SRR: variants seen among roughly 807,000 people sequenced by gnomAD.
SRR encodes serine racemase.
In SRR, 19 loss-of-function variants were observed where a neutral mutation model predicts 32.7. The ratio of observed to expected loss-of-function variants is 0.58; its 90% CI spans 0.40 to 0.85. The LOEUF is 0.85. Ranked by LOEUF, SRR falls within the 40% of genes least tolerant of loss-of-function variation. The pLI is 0.00. For missense variants in SRR, 373 were observed against 404.7 expected, an observed-to-expected ratio of 0.92 and a Z score of 0.67; for synonymous variants, 142 against 140.9, an observed-to-expected ratio of 1.01 and a Z score of -0.06.
In SRR at chr17:2,321,485, T is replaced by C. The variant is rs2075527915; in HGVS notation, c.520-57T>C. 3.1e-6 allele frequency: 5 copies of C among 1,612,370 alleles called. No individual in the cohort carries two copies. In the African/African-American group the frequency reaches 5.3e-5, roughly 17 times the overall value. On this transcript the variant is annotated intron_variant, in intron 5 of 7. Transcript: ENST00000344595. ...GTAAAGCTGTTGGGCTATATTCAAT[T>C]ATTTTATATGTATACATTAAATATA...
intron 1 of SRR, among the ~76,000 whole-genome samples, chr17:2,311,766 T>A (rs1446447631): frequency 6.6e-6 from 1 of 152,190 alleles, no homozygotes; most frequent in East Asian, 1.9e-4. Flanking sequence ...TTTAGAGCAA[T>A]CAAGGGAGAA....
intron 2 of SRR, among the ~76,000 whole-genome samples, chr17:2,316,535 T>C (rs1391696657): frequency 1.3e-5 from 2 of 152,154 alleles, no homozygotes; most frequent in Non-Finnish European, 2.9e-5. Context: ...ACATTATCAA[T>C]ATAAAAGATC....
rs2151438451 is a variant in SRR, at chr17:2,323,943, T to A, written c.*70T>A. ...GAAGACATTTTGTTTCCTAGTATTG[T>A]CAACTCTTAGTTATCAGATTCTTAA... is the stretch of plus-strand genomic sequence containing the variant. On this transcript the variant is annotated 3_prime_UTR_variant, in exon 8 of 8. Transcript: ENST00000344595. 1 of 1,394,828 alleles carries A rather than the reference T, an allele frequency of 7.2e-7. No homozygotes were observed. The highest frequency in any genetic ancestry group is 2.3e-5 in the East Asian group (1 of 43,164). The allele number at this position is 1,394,828 out of a possible 1,614,324, so 86.4% of individuals were successfully genotyped here.
chr17:2,319,063 T>A, intron 4 of SRR, 134 bp downstream of exon 4: 1 of 575,432 alleles, frequency 1.7e-6, no homozygotes. Flanking sequence ...CAACCTTTTC[T>A]CTATCTACAC....
At chr17:2,306,301 G>A (rs1285854020) in intron 1 of SRR, among the ~76,000 whole-genome samples, 1 of 145,436 alleles carries the variant, frequency 6.9e-6, no homozygotes, top group Non-Finnish European at 1.5e-5. Context: ...GGGCGACAGA[G>A]TGAGACTCCG....
chr17:2,317,406 A>G (rs1310630577), intron 2 of SRR, among the ~76,000 whole-genome samples: 1 of 149,994 alleles, frequency 6.7e-6, no homozygotes, highest in Non-Finnish European at 1.5e-5. Context: ...CGGCTACTCG[A>G]GAAGCTGAGG....
At chr17:2,311,353 G>A (rs917361027) in intron 1 of SRR, among the ~76,000 whole-genome samples, 1 of 151,768 alleles carries the variant, frequency 6.6e-6, no homozygotes, top group South Asian at 2.1e-4. Flanking sequence ...TTGAGTTTTC[G>A]GGCCCGTCAT....
chr17:2,324,107 T>C lies in SRR; in HGVS notation c.*234T>C, dbSNP rs544738497. ...GGGGCAGTGGACTGACAGGCTGACA[T>C]AGAAAATAAACTTTGCCCAATCACA... On this transcript the variant is annotated 3_prime_UTR_variant, in exon 8 of 8. Coordinates refer to ENST00000344595, the MANE Select transcript of SRR (RefSeq NM_021947.3). 2.2e-5 allele frequency: 33 copies of C among 1,471,466 alleles called. No individual in the cohort carries two copies. In the African/African-American group the frequency reaches 3.1e-4, roughly 14 times the overall value. The allele number at this position is 1,471,466 out of a possible 1,614,324, so 91.2% of individuals were successfully genotyped here. A position where few individuals can be genotyped will look rare whatever the true frequency, so the allele number is the denominator to read the frequency against.
At position 2,324,912 on chromosome 17, in the gene SRR, G is replaced by T; in HGVS notation, c.*1039G>T. 1 of 1,480,542 alleles carries T rather than the reference G, an allele frequency of 6.8e-7. No individual in the cohort carries two copies. Among genetic ancestry groups the T allele is most frequent in the Non-Finnish European group, 9.0e-7 (1 of 1,115,938 alleles). 91.7% of individuals were successfully genotyped at this position (1,480,542 alleles called of 1,614,324 possible). On this transcript the variant is annotated 3_prime_UTR_variant, in exon 8 of 8. Transcript: ENST00000344595. ...TTGCCCAGTCCATTTAAAGACCCAT[G>T]CAAGAGCCTGGTTTGTCATCCCTGC...
At chr17:2,306,217 C>A (rs558250521) in intron 1 of SRR, among the ~76,000 whole-genome samples, 1 of 150,736 alleles carries the variant, frequency 6.6e-6, no homozygotes, top group African/African-American at 2.4e-5. Flanking sequence ...TTGGGACGCT[C>A]AGGCAGGAGA....
intron 1 of SRR, among the ~76,000 whole-genome samples, chr17:2,306,185 G>A (rs1450091306): frequency 2.0e-5 from 3 of 151,630 alleles, no homozygotes; most frequent in Non-Finnish European, 4.4e-5. Flanking sequence ...GTGTGGTGGC[G>A]GGCACCTGTA....
intron 7 of SRR, 93 bp downstream of exon 7, chr17:2,323,438 AC>A: frequency 1.4e-6 from 2 of 1,441,100 alleles, no homozygotes; most frequent in Non-Finnish European, 1.9e-6. Flanking sequence ...ACCCACGGGA[AC>A]CTGACTAGGT....
chr17:2,306,581 G>A (rs527937980), intron 1 of SRR, among the ~76,000 whole-genome samples: 83 of 152,112 alleles, frequency 5.5e-4, no homozygotes, highest in African/African-American at 1.9e-3. Context: ...GCCGGGCGTG[G>A]TGGTGGGTGC....
Position 2,324,991 on chromosome 17 carries a change from G to T in SRR, c.*1118G>T. 1.4e-6 allele frequency: 1 copy of T among 733,520 alleles called. No homozygotes were observed. The highest frequency in any genetic ancestry group is 2.1e-6 in the Non-Finnish European group (1 of 468,162). 45.4% of individuals were successfully genotyped at this position (733,520 alleles called of 1,614,324 possible). A position where few individuals can be genotyped will look rare whatever the true frequency, so the allele number is the denominator to read the frequency against. On this transcript the variant is annotated 3_prime_UTR_variant, in exon 8 of 8. Transcript: ENST00000344595. ...AAACTGTAAGCCCACACTTAACCTT[G>T]TCAATAGGTTCTTGAAAACTTGTAC...
chr17:2,319,354 G>T (rs568271730), intron 4 of SRR, among the ~76,000 whole-genome samples: 6 of 151,948 alleles, frequency 3.9e-5, no homozygotes, highest in East Asian at 3.9e-4. Context: ...AAAATTTTTT[G>T]TTGTTGTTGT....
chr17:2,307,739 TGA>T, intron 1 of SRR: 1 of 970,836 alleles, frequency 1.0e-6, no homozygotes, highest in Non-Finnish European at 1.6e-6. Context: ...AAGCTTAGCA[TGA>T]GAGGAGAGCC....
At position 2,321,428 on chromosome 17, in the gene SRR, A is replaced by G; in HGVS notation, c.519+3A>G. 6.2e-7 allele frequency: 1 copy of G among 1,611,946 alleles called. No individual in the cohort carries two copies. Among genetic ancestry groups the G allele is most frequent in the South Asian group, 1.1e-5 (1 of 90,768 alleles). ...TTGCCCTGGAAGTGCTGAACCAGGT[A>G]AAATAGCTGAGTTCTTCCTGTTTAG... On this transcript the variant is annotated splice_donor_region_variant and intron_variant, in intron 5 of 7. Coordinates refer to ENST00000344595, the MANE Select transcript of SRR (RefSeq NM_021947.3).
At chr17:2,322,270 A>C (rs965675276) in intron 6 of SRR, among the ~76,000 whole-genome samples, 11 of 152,070 alleles carry the variant, frequency 7.2e-5, no homozygotes, top group African/African-American at 2.7e-4. Context: ...GCACAAAAGC[A>C]GTTACAAGTG....
intron 1 of SRR, chr17:2,306,898 A>G: frequency 1.1e-6 from 1 of 938,002 alleles, no homozygotes; most frequent in Non-Finnish European, 1.7e-6. Context: ...TGTGGTAATG[A>G]GAGATCCAAA....
Sources: gnomAD v4.1 joint callset for allele counts (sites outside exome capture counted in the v4.1 genomes callset) on GRCh38, gnomAD v4.1.1 for gene constraint, MANE v1.5 for transcripts, NCBI Gene and HGNC (gene_info 2026-07-23, HGNC 2026-07-21) for gene names.